The following AUTS2 variants were observed in gnomAD, a reference collection of about 807,000 sequenced individuals.
AUTS2 encodes autism susceptibility gene 2 protein.
AUTS2 carries 17 observed loss-of-function variants against 112.4 expected under a neutral mutation model. The ratio of observed to expected loss-of-function variants is 0.15; its 90% CI spans 0.10 to 0.23. AUTS2 has a LOEUF of 0.23. Ranked by LOEUF, AUTS2 falls within the 10% of genes least tolerant of loss-of-function variation. The pLI, the probability that AUTS2 is intolerant of heterozygous loss-of-function variation, is 1.00. For missense variants in AUTS2, 1,510 were observed against 1,701.6 expected, an observed-to-expected ratio of 0.89 and a Z score of 1.98; for synonymous variants, 751 against 702.7, an observed-to-expected ratio of 1.07 and a Z score of -1.09.
chr7:69,904,820 A>C (rs1795093138), intron 2 of AUTS2, among the ~76,000 whole-genome samples: 2 of 152,216 alleles, frequency 1.3e-5, no homozygotes, highest in Admixed American at 1.3e-4. Flanking sequence ...AAGTATAGAA[A>C]TAAGAAAAAC....
chr7:70,600,118 A>G (rs1040243428), intron 5 of AUTS2, among the ~76,000 whole-genome samples: 3 of 152,198 alleles, frequency 2.0e-5, no homozygotes, highest in African/African-American at 7.2e-5. Context: ...CTGCATGCCC[A>G]AGTTTCAGAA....
chr7:70,391,527 T>C (rs1373347315), intron 4 of AUTS2, among the ~76,000 whole-genome samples: 6 of 152,192 alleles, frequency 3.9e-5, no homozygotes, highest in African/African-American at 9.7e-5. Flanking sequence ...AGAGTATTTA[T>C]TGAATAATTT....
At chr7:70,339,235 T>C (rs1288872177) in intron 4 of AUTS2, among the ~76,000 whole-genome samples, 1 of 152,124 alleles carries the variant, frequency 6.6e-6, no homozygotes. Context: ...TTGATTAGAT[T>C]CAAAGGAACA....
chr7:70,414,496 G>T (rs1011570167), intron 4 of AUTS2, among the ~76,000 whole-genome samples: 20 of 152,178 alleles, frequency 1.3e-4, no homozygotes, highest in Non-Finnish European at 1.0e-4. Context: ...GGAGGCATTT[G>T]CAGGTTGGTC....
At chr7:70,488,413 G>A (rs930063664) in intron 5 of AUTS2, among the ~76,000 whole-genome samples, 2 of 152,098 alleles carry the variant, frequency 1.3e-5, no homozygotes, top group South Asian at 2.1e-4. Flanking sequence ...CCCCCCAGTC[G>A]GTCTGAGGCC....
At chr7:70,475,411 C>T (rs1348901475) in intron 5 of AUTS2, among the ~76,000 whole-genome samples, 2 of 152,208 alleles carry the variant, frequency 1.3e-5, no homozygotes, top group Non-Finnish European at 2.9e-5. Flanking sequence ...CCTTTCCCCC[C>T]TCATACTGTT....
intron 5 of AUTS2, among the ~76,000 whole-genome samples, chr7:70,462,847 C>T (rs1302292972): frequency 2.0e-5 from 3 of 152,022 alleles, no homozygotes; most frequent in African/African-American, 7.2e-5. Flanking sequence ...GTCACAGCTA[C>T]TCGGGAGGCT....
intron 2 of AUTS2, among the ~76,000 whole-genome samples, chr7:69,918,333 G>A (rs1185520698): frequency 1.3e-5 from 2 of 152,138 alleles, no homozygotes; most frequent in Non-Finnish European, 2.9e-5. Flanking sequence ...TTGTATTGGT[G>A]TGGCCATTGG....
At chr7:69,974,520 A>C (rs1348807311) in intron 2 of AUTS2, among the ~76,000 whole-genome samples, 1 of 151,986 alleles carries the variant, frequency 6.6e-6, no homozygotes, top group Non-Finnish European at 1.5e-5. Flanking sequence ...CCTGAGAATG[A>C]GGGGTCCAGT....
intron 4 of AUTS2, among the ~76,000 whole-genome samples, chr7:70,180,403 GAATAA>G (rs1193416250): frequency 6.8e-6 from 1 of 147,756 alleles, no homozygotes; most frequent in African/African-American, 2.5e-5. Flanking sequence ...AGTTTTTAAA[GAATAA>G]AATAAAATAA....
chr7:69,951,551 T>C (rs532545025), intron 2 of AUTS2, among the ~76,000 whole-genome samples: 1 of 152,286 alleles, frequency 6.6e-6, no homozygotes, highest in South Asian at 2.1e-4. Flanking sequence ...ATTTGGCTTT[T>C]TTGAGGACTC....
At position 69,728,468 on chromosome 7, in the gene AUTS2, GGTTTTTTGCTTTTTGA is replaced by G. The variant is rs533913513; in HGVS notation, c.309+128514_309+128529del. On this transcript the variant is annotated intron_variant, in intron 1 of 18. Transcript: ENST00000342771. ...GGCACATTCTAGAAGTGCCTGTGTG[GGTTTTTTGCTTTTTGA>G]GTTTTTTCTGTCTTTTTAATGTAAT... Among the ~76,000 whole-genome samples, 372 of 152,244 alleles carry G rather than the reference GGTTTTTTGCTTTTTGA, an allele frequency of 2.4e-3. 1 individual carries two copies. The highest frequency in any genetic ancestry group is 8.5e-3 in the African/African-American group (353 of 41,538).
At chr7:70,375,001 G>C (rs1181221251) in intron 4 of AUTS2, among the ~76,000 whole-genome samples, 2 of 152,082 alleles carry the variant, frequency 1.3e-5, no homozygotes, top group African/African-American at 4.8e-5. Flanking sequence ...CCCATTACCT[G>C]CTCCTCCTAG....
At chr7:69,910,940 T>C (rs1339861071) in intron 2 of AUTS2, among the ~76,000 whole-genome samples, 1 of 152,204 alleles carries the variant, frequency 6.6e-6, no homozygotes, top group African/African-American at 2.4e-5. Flanking sequence ...ACTCCTGTTT[T>C]TAAAACCATC....
chr7:70,326,082 A>T (rs1790473086), intron 4 of AUTS2, among the ~76,000 whole-genome samples: 1 of 152,194 alleles, frequency 6.6e-6, no homozygotes, highest in South Asian at 2.1e-4. Flanking sequence ...TTGAGCCTAG[A>T]GAGGCAATCA....
In AUTS2 at chr7:70,107,812, G is replaced by C. The variant is rs113923758; in HGVS notation, c.523-10320G>C. 1.6e-3 allele frequency among the ~76,000 whole-genome samples: 244 copies of C among 150,242 alleles called. 6 individuals carry two copies. Among genetic ancestry groups the C allele is most frequent in the African/African-American group, 5.6e-3 (230 of 41,076 alleles). On this transcript the variant is annotated intron_variant, in intron 2 of 18. Coordinates refer to ENST00000342771, the MANE Select transcript of AUTS2 (RefSeq NM_015570.4). ...GCAGATCACGAGGTCAGGAGATAGA[G>C]ACCATCCTGGCCAACAAGGTGAAAC... is the stretch of plus-strand genomic sequence containing the variant.
chr7:70,737,235 C>T (rs1384890183), intron 6 of AUTS2, among the ~76,000 whole-genome samples: 1 of 152,214 alleles, frequency 6.6e-6, no homozygotes, highest in African/African-American at 2.4e-5. Context: ...GTTCTGGTTA[C>T]ATTTTCCATG....
In AUTS2 at chr7:69,656,293, C is replaced by T. The variant is rs111826204; in HGVS notation, c.309+56331C>T. Reference sequence around the variant, plus strand: ...GGAAAGGCCTCTTGGGAAATATAAGCTTGCCACCAGAGTGAAGTGAATTCT... The same window carrying T: ...GGAAAGGCCTCTTGGGAAATATAAGTTTGCCACCAGAGTGAAGTGAATTCT... On this transcript the variant is annotated intron_variant, in intron 1 of 18. Coordinates refer to ENST00000342771, the MANE Select transcript of AUTS2 (RefSeq NM_015570.4). Among the ~76,000 whole-genome samples, 19 of 152,296 alleles carry T rather than the reference C, an allele frequency of 1.2e-4. 1 individual carries two copies. The highest frequency in any genetic ancestry group is 3.6e-4 in the African/African-American group (15 of 41,574).
chr7:70,404,238 T>C (rs1393944239), intron 4 of AUTS2, among the ~76,000 whole-genome samples: 1 of 152,164 alleles, frequency 6.6e-6, no homozygotes, highest in African/African-American at 2.4e-5. Context: ...TCTGGGACTT[T>C]GTCTTCTTTC....
Sources: gnomAD v4.1 joint callset for allele counts (sites outside exome capture counted in the v4.1 genomes callset) on GRCh38, gnomAD v4.1.1 for gene constraint, MANE v1.5 for transcripts, NCBI Gene and HGNC (gene_info 2026-07-23, HGNC 2026-07-21) for gene names.